The following SUSD3 variants were observed in gnomAD, a reference collection of about 807,000 sequenced individuals.
SUSD3 encodes sushi domain containing 3.
Under a neutral mutation model 20.6 loss-of-function variants are expected in SUSD3, and 18 were observed. That is an observed-to-expected ratio of 0.87 (90% CI 0.60 to 1.30). SUSD3 has a LOEUF of 1.30. Ranked by LOEUF, SUSD3 falls within the 50% of genes most tolerant of loss-of-function variation. SUSD3 has a pLI of 0.00. For synonymous variants in SUSD3, 137 were observed against 141.5 expected (o/e 0.97, Z 0.23); for missense variants, 306 against 346.9 (o/e 0.88, Z 0.94).
chr9:93,082,381 G>A (rs1826452751), intron 4 of SUSD3, among the ~76,000 whole-genome samples: 1 of 142,550 alleles, frequency 7.0e-6, no homozygotes, highest in South Asian at 2.2e-4. Flanking sequence ...TCAGTGGCGC[G>A]ATCTCGGCTC....
At chr9:93,069,083 T>A in intron 1 of SUSD3, 1 of 702,354 alleles carries the variant, frequency 1.4e-6, no homozygotes, top group Non-Finnish European at 2.6e-6. Context: ...AATGCCTACA[T>A]GATGAGATGA....
At chr9:93,069,427 C>T (rs1311717158) in intron 1 of SUSD3, among the ~76,000 whole-genome samples, 1 of 152,158 alleles carries the variant, frequency 6.6e-6, no homozygotes, top group African/African-American at 2.4e-5. Flanking sequence ...ATGTTGCCAT[C>T]GTAACAATAT....
At chr9:93,082,341 G>A (rs1451056553) in intron 4 of SUSD3, among the ~76,000 whole-genome samples, 23 of 129,906 alleles carry the variant, frequency 1.8e-4, no homozygotes, top group Admixed American at 3.2e-4. Context: ...TTTTTGAGGC[G>A]GAGTCTTGCT....
intron 3 of SUSD3, 85 bp from the exon 4 acceptor site, chr9:93,079,386 C>T: frequency 6.7e-7 from 1 of 1,489,850 alleles, no homozygotes; most frequent in Non-Finnish European, 9.2e-7. Flanking sequence ...GCAGACGGTG[C>T]CCTGGGCCTA....
intron 1 of SUSD3, among the ~76,000 whole-genome samples, chr9:93,064,943 T>C (rs1208114823): frequency 2.6e-5 from 4 of 152,268 alleles, no homozygotes; most frequent in Middle Eastern, 3.4e-3. Flanking sequence ...GGCGGTCACA[T>C]CCGTCTTGTT....
intron 1 of SUSD3, among the ~76,000 whole-genome samples, chr9:93,063,699 A>G (rs1456288759): frequency 6.6e-6 from 1 of 151,952 alleles, no homozygotes; most frequent in Non-Finnish European, 1.5e-5. Context: ...GCAAGGACTC[A>G]CCCTACCCTC....
chr9:93,066,022 G>A (rs548391641), intron 1 of SUSD3, among the ~76,000 whole-genome samples: 6 of 152,140 alleles, frequency 3.9e-5, no homozygotes, highest in Non-Finnish European at 8.8e-5. Context: ...GCTGTCATCC[G>A]CCCAGCATCC....
At chr9:93,083,086 C>A (rs532263010) in intron 4 of SUSD3, among the ~76,000 whole-genome samples, 1 of 152,064 alleles carries the variant, frequency 6.6e-6, no homozygotes, top group Non-Finnish European at 1.5e-5. Context: ...AGAGCCAGGG[C>A]GGGAGGGAGG....
rs371820174 is a variant in SUSD3 at position 93,081,821 on chromosome 9, CAGCAGCCCATTATTCCAA to C, written c.557+2223_557+2240del. Among the ~76,000 whole-genome samples, 582 of 152,338 alleles carry C rather than the reference CAGCAGCCCATTATTCCAA, an allele frequency of 3.8e-3. 5 individuals carry two copies. Among genetic ancestry groups the C allele is most frequent in the Middle Eastern group, 0.017 (5 of 294 alleles). ...GAGGCCTCCAGGCTATCATTCCTTA[CAGCAGCCCATTATTCCAA>C]AGCTTCCAATATCTGCTAGACCCTC... On this transcript the variant is annotated intron_variant, in intron 4 of 4. Coordinates refer to ENST00000375472, the MANE Select transcript of SUSD3 (RefSeq NM_145006.4).
At position 93,079,555 on chromosome 9, in the gene SUSD3, AC is replaced by A; in HGVS notation, c.513del (p.Val172Ter). ...AYLGLKHFNK[P>X]VSGPSQAHDN... ...ACCTTGGCCTCAAGCACTTCAACAA[AC>A]CCGTGAGCGGGCCCAGCCAGGCGCA... On this transcript the variant is annotated frameshift_variant, in exon 4 of 5. Coordinates refer to ENST00000375472, the MANE Select transcript of SUSD3 (RefSeq NM_145006.4). LOFTEE classifies it low-confidence loss of function (END_TRUNC). The A allele has an allele frequency of 2.5e-6, 4 of 1,613,924 alleles. No homozygotes were observed. The highest frequency in any genetic ancestry group is 3.4e-6 in the Non-Finnish European group (4 of 1,179,996).
At chr9:93,078,076 G>C in intron 3 of SUSD3, 83 bp downstream of exon 3, 2 of 1,583,408 alleles carry the variant, frequency 1.3e-6, no homozygotes, top group South Asian at 1.1e-5. Flanking sequence ...AGTGTTTCAA[G>C]GGAACCCCGG....
chr9:93,069,313 G>A (rs1587903944), intron 1 of SUSD3, among the ~76,000 whole-genome samples: 2 of 152,126 alleles, frequency 1.3e-5, no homozygotes, highest in Non-Finnish European at 2.9e-5. Flanking sequence ...ACTTAATAAT[G>A]GCCCAAAACA....
intron 1 of SUSD3, among the ~76,000 whole-genome samples, chr9:93,060,002 G>A (rs1825444022): frequency 6.6e-6 from 1 of 152,202 alleles, no homozygotes. Context: ...TACTACCTGA[G>A]GAGCCCCTTC....
chr9:93,073,490 C>T (rs1564190225), intron 1 of SUSD3, among the ~76,000 whole-genome samples: 3 of 152,144 alleles, frequency 2.0e-5, no homozygotes, highest in South Asian at 2.1e-4. Flanking sequence ...CCTCGTGATC[C>T]GCCCGCCTCG....
chr9:93,081,716 A>T (rs1011288090), intron 4 of SUSD3, among the ~76,000 whole-genome samples: 2 of 152,160 alleles, frequency 1.3e-5, no homozygotes, highest in Non-Finnish European at 2.9e-5. Flanking sequence ...AGTGTGTATT[A>T]CATCAACAAG....
intron 1 of SUSD3, among the ~76,000 whole-genome samples, chr9:93,073,373 A>G (rs1293425767): frequency 1.3e-5 from 2 of 151,600 alleles, no homozygotes; most frequent in South Asian, 2.1e-4. Context: ...CAGCCTCCCA[A>G]GTAGCTGGGA....
intron 4 of SUSD3, among the ~76,000 whole-genome samples, chr9:93,082,539 G>A (rs985534708): frequency 3.9e-5 from 6 of 152,122 alleles, no homozygotes; most frequent in South Asian, 2.1e-4. Context: ...GGATGGTCTC[G>A]ATCTCCTCAC....
Position 93,084,450 on chromosome 9 carries a change from G to C in SUSD3, c.558-87G>C, listed in dbSNP as rs981186327. 4.9e-5 allele frequency: 64 copies of C among 1,307,402 alleles called. 1 individual carries two copies. In the South Asian group the frequency reaches 9.4e-4, roughly 19 times the overall value. 81.0% of individuals were successfully genotyped at this position (1,307,402 alleles called of 1,614,324 possible). On this transcript the variant is annotated intron_variant, in intron 4 of 4. Transcript: ENST00000375472. ...GGCAGCAGTTGCCCCAGGCCCACTG[G>C]AGGGCCTGGGTACCTGGGAAGGTAT...
intron 1 of SUSD3, among the ~76,000 whole-genome samples, chr9:93,074,955 A>G (rs1191606624): frequency 1.3e-5 from 2 of 152,268 alleles, no homozygotes; most frequent in African/African-American, 4.8e-5. Context: ...TATGCAACAT[A>G]GGGTGCTTAT....
Sources: allele counts gnomAD v4.1 joint callset (sites outside exome capture counted in the v4.1 genomes callset), GRCh38; gene constraint gnomAD v4.1.1; transcripts MANE v1.5; gene names NCBI Gene and HGNC (gene_info 2026-07-23, HGNC 2026-07-21).